POTEJ: variants seen among roughly 807,000 people sequenced by gnomAD.
The protein encoded by POTEJ is POTE ankyrin domain family, member J.
In POTEJ, 11 loss-of-function variants were observed where a neutral mutation model predicts 69.0. The observed-to-expected ratio is 0.16, with a 90% confidence interval of 0.10 to 0.26. The LOEUF (loss-of-function observed/expected upper bound fraction) is 0.26. Among genes scored for constraint, POTEJ ranks in the 10% least tolerant of loss-of-function variants. The pLI, the probability that POTEJ is intolerant of heterozygous loss-of-function variation, is 1.00. For missense variants in POTEJ, 327 were observed against 1,045.5 expected (o/e 0.31, Z 9.48); for synonymous variants, 117 against 381.1 (o/e 0.31, Z 8.07).
At chr2:130,642,698 G>T (rs1265900245) in intron 10 of POTEJ, among the ~76,000 whole-genome samples, 1 of 152,386 alleles carries the variant, frequency 6.6e-6, no homozygotes, top group East Asian at 1.9e-4. Flanking sequence ...TCTGACTTCT[G>T]CCCCACTCTC....
intron 10 of POTEJ, among the ~76,000 whole-genome samples, chr2:130,640,567 T>C (rs1443728731): frequency 2.6e-3 from 397 of 151,126 alleles, no homozygotes; most frequent in African/African-American, 9.1e-3. Flanking sequence ...TCACGTCTCC[T>C]TTCGTGGTTG....
chr2:130,637,011 G>A (rs538346934), intron 9 of POTEJ, among the ~76,000 whole-genome samples: 90 of 147,134 alleles, frequency 6.1e-4, no homozygotes, highest in East Asian at 1.9e-4. Context: ...CCCGGGAGGC[G>A]GAGCTTGCAG....
At chr2:130,649,341 C>G (rs1387798888) in intron 13 of POTEJ, among the ~76,000 whole-genome samples, 2 of 152,230 alleles carry the variant, frequency 1.3e-5, no homozygotes, top group Admixed American at 6.5e-5. Flanking sequence ...TGCCAAAAAC[C>G]TCAGTGTCAT....
At chr2:130,655,706 A>ATCTC (rs1248217697) in intron 14 of POTEJ, among the ~76,000 whole-genome samples, 1 of 150,876 alleles carries the variant, frequency 6.6e-6, no homozygotes, top group Non-Finnish European at 1.5e-5. Context: ...TTCTAAGAAA[A>ATCTC]TCTCTATAAG....
chr2:130,613,384 GTATATATATATA>G (rs753097212), intron 1 of POTEJ, among the ~76,000 whole-genome samples: 3 of 83,578 alleles, frequency 3.6e-5, no homozygotes, highest in African/African-American at 1.4e-4. Flanking sequence ...GTGTGTGTGT[GTATATATATATA>G]TATATATATA....
chr2:130,647,230 T>A (rs1299615707), intron 13 of POTEJ, among the ~76,000 whole-genome samples: 1 of 151,100 alleles, frequency 6.6e-6, no homozygotes. Context: ...ATCTTAAGAG[T>A]TCTTGTTAAA....
At chr2:130,647,201 G>A (rs1185933223) in intron 13 of POTEJ, among the ~76,000 whole-genome samples, 4 of 150,798 alleles carry the variant, frequency 2.7e-5, no homozygotes, top group African/African-American at 1.0e-4. Flanking sequence ...TGTATTTAAA[G>A]CGTTTAGTTT....
At chr2:130,626,652 A>G (rs1685717748) in intron 6 of POTEJ, among the ~76,000 whole-genome samples, 1 of 152,168 alleles carries the variant, frequency 6.6e-6, no homozygotes, top group South Asian at 2.1e-4. Flanking sequence ...GGATTGATGG[A>G]AGGTTCTTTA....
At chr2:130,625,443 C>A (rs1269513627) in intron 6 of POTEJ, among the ~76,000 whole-genome samples, 1 of 151,886 alleles carries the variant, frequency 6.6e-6, no homozygotes, top group Non-Finnish European at 1.5e-5. Flanking sequence ...GCTAGATGCC[C>A]ACTGGAAGCT....
intron 10 of POTEJ, among the ~76,000 whole-genome samples, chr2:130,639,724 A>C (rs1486769194): frequency 6.6e-6 from 1 of 152,102 alleles, no homozygotes; most frequent in Non-Finnish European, 1.5e-5. Flanking sequence ...ACAAGATGGA[A>C]TAGATGTAGT....
chr2:130,643,319 G>A (rs1383480111), intron 10 of POTEJ, among the ~76,000 whole-genome samples: 1 of 134,292 alleles, frequency 7.4e-6, no homozygotes, highest in African/African-American at 2.7e-5. Flanking sequence ...TCAGGAGATC[G>A]AGACCATCCT....
chr2:130,624,538 A>C (rs1269314646), intron 6 of POTEJ, among the ~76,000 whole-genome samples: 1 of 151,980 alleles, frequency 6.6e-6, no homozygotes. Context: ...GACTGGAGGC[A>C]GAGTACAGGC....
intron 10 of POTEJ, among the ~76,000 whole-genome samples, chr2:130,643,244 GA>G (rs1686458183): frequency 6.9e-6 from 1 of 144,116 alleles, no homozygotes; most frequent in East Asian, 2.0e-4. Flanking sequence ...TTCAAAAGAT[GA>G]AAATAAGGCC....
chr2:130,624,139 G>A lies in POTEJ; in HGVS notation c.1015+5G>A. 1.4e-6 allele frequency: 2 copies of A among 1,435,360 alleles called. No homozygotes were observed. Among genetic ancestry groups the A allele is most frequent in the Non-Finnish European group, 1.9e-6 (2 of 1,066,058 alleles). 88.9% of individuals were successfully genotyped at this position (1,435,360 alleles called of 1,614,324 possible). A position where few individuals can be genotyped will look rare whatever the true frequency, so the allele number is the denominator to read the frequency against. ...CTTCTGAAAACAGCAATCCAGGTAA[G>A]ACTTGTGATAGTGAATTACTTTAGT... On this transcript the variant is annotated splice_donor_5th_base_variant and intron_variant, in intron 6 of 14. Coordinates refer to ENST00000409602, the MANE Select transcript of POTEJ (RefSeq NM_001277083.2).
At chr2:130,627,397 A>T (rs1337176929) in intron 6 of POTEJ, among the ~76,000 whole-genome samples, 2 of 141,674 alleles carry the variant, frequency 1.4e-5, no homozygotes, top group African/African-American at 5.8e-5. Context: ...TTAATGGATA[A>T]AGATGAATAT....
At chr2:130,640,577 G>A (rs1686317572) in intron 10 of POTEJ, among the ~76,000 whole-genome samples, 1 of 151,962 alleles carries the variant, frequency 6.6e-6, no homozygotes, top group Middle Eastern at 3.4e-3. Context: ...TTTCGTGGTT[G>A]GCTAATCCGC....
intron 14 of POTEJ, among the ~76,000 whole-genome samples, chr2:130,655,280 G>T (rs1376547712): frequency 1.3e-5 from 2 of 152,134 alleles, no homozygotes; most frequent in Non-Finnish European, 2.9e-5. Flanking sequence ...AGAAGTATTT[G>T]ATGTTTTTCA....
At chr2:130,644,474 A>AAT (rs778514105) in intron 11 of POTEJ, among the ~76,000 whole-genome samples, 2,520 of 151,276 alleles carry the variant, frequency 0.017, 5 homozygotes, top group Middle Eastern at 0.061. Context: ...ATCTGAAAAA[A>AAT]ATATATATAT....
chr2:130,657,126 C>A lies in POTEJ; in HGVS notation c.2366C>A (p.Thr789Asn). 1.3e-6 allele frequency: 2 copies of A among 1,560,164 alleles called. No homozygotes were observed. Among genetic ancestry groups the A allele is most frequent in the Non-Finnish European group, 1.8e-6 (2 of 1,141,236 alleles). Residue 789 changes from threonine (T) to asparagine (N), a missense_variant, in exon 15 of 15, where the codon ACC (threonine) becomes AAC (asparagine). Thr to Asn is a moderately conservative substitution (Grantham distance 65). Coordinates refer to ENST00000409602, the MANE Select transcript of POTEJ (RefSeq NM_001277083.2). ...AAGATGACCCAGATCATGTTTGAGA[C>A]CTTCAACACCCCAGCCATGTACGTG... is the stretch of plus-strand genomic sequence containing the variant. ...REKMTQIMFETFNTPAMYVAI... is the reference protein window; with the variant it reads ...REKMTQIMFENFNTPAMYVAI...
Sources: allele counts gnomAD v4.1 joint callset (sites outside exome capture counted in the v4.1 genomes callset), GRCh38; gene constraint gnomAD v4.1.1; transcripts MANE v1.5; gene names NCBI Gene and HGNC (gene_info 2026-07-23, HGNC 2026-07-21).